Variants in ABHD16A observed in about 807,000 individuals in gnomAD.
The protein encoded by ABHD16A is phosphatidylserine lipase ABHD16A.
ABHD16A carries 47 observed loss-of-function variants against 89.8 expected under a neutral mutation model. The observed-to-expected ratio is 0.52, with a 90% CI of 0.41 to 0.67. The LOEUF (loss-of-function observed/expected upper bound fraction) is 0.67, where lower values mean the gene tolerates loss of function less well. Ranked by LOEUF, ABHD16A falls within the 30% of genes least tolerant of loss-of-function variation. ABHD16A has a pLI of 0.00. For synonymous variants in ABHD16A, 251 were observed against 280.4 expected (o/e 0.90, Z 1.05); for missense variants, 580 against 734.6 (o/e 0.79, Z 2.43).
At chr6:31,699,341 G>A (rs1253782698) in intron 4 of ABHD16A, among the ~76,000 whole-genome samples, 10 of 150,000 alleles carry the variant, frequency 6.7e-5, no homozygotes, top group African/African-American at 1.2e-4. Flanking sequence ...CCCGGGAGGC[G>A]GAGCTTGCAG....
chr6:31,687,801 A>C lies in ABHD16A; in HGVS notation c.1447+23T>G, dbSNP rs1301287258. The C allele has an allele frequency of 1.2e-6, 2 of 1,612,822 alleles. No individual in the cohort carries two copies. The highest frequency in any genetic ancestry group is 1.7e-6 in the Non-Finnish European group (2 of 1,179,986). ...CTGACCTTGCTGGGCCCCCGCCCCA[A>C]GCCTCACTGGATCCCTTCTCACCTT... On this transcript the variant is annotated intron_variant, in intron 17 of 19. Transcript: ENST00000395952. This position sits in a 1 kb window ranked among gnomAD's most constrained non-coding sequence, Gnocchi z 6.3.
Position 31,686,998 on chromosome 6 carries a change from C to T in ABHD16A, c.*214G>A. 2 of 573,226 alleles carry T rather than the reference C, an allele frequency of 3.5e-6. No homozygotes were observed. Among genetic ancestry groups the T allele is most frequent in the Non-Finnish European group, 3.1e-6 (1 of 321,402 alleles). The allele number at this position is 573,226 out of a possible 1,614,324, so 35.5% of individuals were successfully genotyped here. A position where few individuals can be genotyped will look rare whatever the true frequency, so the allele number is the denominator to read the frequency against. ...CTTTTTATTAATTATTAGGAATAAT[C>T]CATTCATGTAATGCAGGATGTATGT... On this transcript the variant is annotated 3_prime_UTR_variant, in exon 20 of 20. Coordinates refer to ENST00000395952, the MANE Select transcript of ABHD16A (RefSeq NM_021160.3). This position sits in a 1 kb window ranked among gnomAD's most constrained non-coding sequence, Gnocchi z 4.3.
chr6:31,697,041 A>G lies in ABHD16A; in HGVS notation c.344-8T>C, dbSNP rs776143158. 4 of 1,611,254 alleles carry G rather than the reference A, an allele frequency of 2.5e-6. No individual in the cohort carries two copies. Among genetic ancestry groups the G allele is most frequent in the South Asian group, 1.1e-5 (1 of 91,030 alleles). ...TGGTCCAGCGGCCAATGCCTGGTAG[A>G]AAAAGGACAGGAAACAGTGCTAGGA... On this transcript the variant is annotated splice_polypyrimidine_tract_variant and splice_region_variant and intron_variant, in intron 4 of 19. Coordinates refer to ENST00000395952, the MANE Select transcript of ABHD16A (RefSeq NM_021160.3).
At chr6:31,691,510 T>C (rs1048443255) in intron 9 of ABHD16A, 69 bp downstream of exon 9, 43 of 1,440,072 alleles carry the variant, frequency 3.0e-5, no homozygotes, top group Non-Finnish European at 3.3e-5. Flanking sequence ...TGCTATAGCA[T>C]TGGGGTCCCC....
rs1054747070 is a variant in ABHD16A, at chr6:31,688,271, T to C, written c.1285A>G (p.Lys429Glu). ...CACGTGGTGGTGATGATCTCATCCTTGGTTCTCCGGATCAGCAGTACAGGA... is the reference window on the plus strand; with the variant it reads ...CACGTGGTGGTGATGATCTCATCCTCGGTTCTCCGGATCAGCAGTACAGGA... ...QGPVLLIRRT[K>E]DEIITTTVPE... is the part of the protein sequence containing the mutation. The change falls in exon 15 of 20, where the codon AAG becomes GAG. Residue 429 changes from lysine (K) to glutamate (E), a missense_variant. By Grantham distance (56) the Lys-to-Glu change is moderately conservative. Around this residue, in one of 2 missense-constraint regions of ABHD16A, gnomAD observed 415 missense variants for 568.8 expected, o/e 0.73. Transcript: ENST00000395952. The surrounding 1 kb of genome is among the most constrained non-coding windows in gnomAD (Gnocchi z 4.9). 6.2e-7 allele frequency: 1 copy of C among 1,614,134 alleles called. No homozygotes were observed. The highest frequency in any genetic ancestry group is 1.7e-5 in the Admixed American group (1 of 60,028).
At chr6:31,697,286 C>A (rs955657517) in intron 4 of ABHD16A, among the ~76,000 whole-genome samples, 3 of 152,188 alleles carry the variant, frequency 2.0e-5, no homozygotes, top group African/African-American at 7.2e-5. Flanking sequence ...CTTAACCTAC[C>A]ATCTTCCAGA....
chr6:31,688,496 C>A lies in ABHD16A; in HGVS notation c.1251-191G>T. On this transcript the variant is annotated intron_variant, in intron 14 of 19. Transcript: ENST00000395952. This position sits in a 1 kb window ranked among gnomAD's most constrained non-coding sequence, Gnocchi z 4.9. ...GTTCAGTCTGGCCCTGCTGGGAGACCCCTGCCGTGCCAGGCCTTAACCCTT... is the reference window on the plus strand; with the variant it reads ...GTTCAGTCTGGCCCTGCTGGGAGACACCTGCCGTGCCAGGCCTTAACCCTT... 3.9e-6 allele frequency: 3 copies of A among 773,502 alleles called. No individual in the cohort carries two copies. Among genetic ancestry groups the A allele is most frequent in the Non-Finnish European group, 4.1e-6 (2 of 484,026 alleles). 47.9% of individuals were successfully genotyped at this position (773,502 alleles called of 1,614,324 possible).
rs1804021905 is a variant in ABHD16A, at chr6:31,692,810, T to A, written c.626+217A>T. ...AAGGAGCTTTTGTTCATATCCCAGT[T>A]CTTTACTTACTACATTTGAGACTCC... On this transcript the variant is annotated intron_variant, in intron 7 of 19. Transcript: ENST00000395952. 1.2e-5 allele frequency: 5 copies of A among 404,670 alleles called. 1 individual carries two copies. In the South Asian group the frequency reaches 1.3e-4, roughly 10 times the overall value. The allele number at this position is 404,670 out of a possible 1,614,324, so 25.1% of individuals were successfully genotyped here. A position where few individuals can be genotyped will look rare whatever the true frequency, so the allele number is the denominator to read the frequency against.
chr6:31,690,218 C>G lies in ABHD16A; in HGVS notation c.908-91G>C, dbSNP rs893756348. On this transcript the variant is annotated intron_variant, in intron 10 of 19. Transcript: ENST00000395952. The surrounding 1 kb of genome is among the most constrained non-coding windows in gnomAD (Gnocchi z 4.1). ...AAGGAAGAGCAGAAGTACCCCCCAG[C>G]TTAGATGCAAATAACTCCAAGCCTT... 2.1e-5 allele frequency: 26 copies of G among 1,265,744 alleles called. No homozygotes were observed. Among genetic ancestry groups the G allele is most frequent in the Non-Finnish European group, 2.8e-5 (26 of 916,218 alleles). The allele number at this position is 1,265,744 out of a possible 1,614,324, so 78.4% of individuals were successfully genotyped here.
chr6:31,702,732 G>GTTTT, intron 1 of ABHD16A: 1 of 1,541,474 alleles, frequency 6.5e-7, no homozygotes, highest in Non-Finnish European at 8.7e-7. Flanking sequence ...TCAAGGCGAG[G>GTTTT]GTAAAGGGAA....
rs763493393 is a variant in ABHD16A, at chr6:31,688,686, G to A, written c.1250+37C>T. ...GAGCGCCCAGCAGAGCTGTATGGGG[G>A]GCAGGTGTTCAATGCCGGACGCTGG... On this transcript the variant is annotated intron_variant, in intron 14 of 19. Transcript: ENST00000395952. This position sits in a 1 kb window ranked among gnomAD's most constrained non-coding sequence, Gnocchi z 4.9. 4.3e-6 allele frequency: 7 copies of A among 1,609,470 alleles called. No individual in the cohort carries two copies. The highest frequency in any genetic ancestry group is 1.3e-5 in the African/African-American group (1 of 74,948).
chr6:31,700,912 A>G, intron 4 of ABHD16A, 30 bp downstream of exon 4: 1 of 1,572,882 alleles, frequency 6.4e-7, no homozygotes, highest in Admixed American at 1.7e-5. Flanking sequence ...GTGACAGATA[A>G]GATTCAAACC....
intron 4 of ABHD16A, among the ~76,000 whole-genome samples, chr6:31,700,623 A>G (rs1168184757): frequency 6.6e-6 from 1 of 152,100 alleles, no homozygotes; most frequent in Non-Finnish European, 1.5e-5. Context: ...GCAGCCAGGC[A>G]TAGTGGCTCA....
intron 3 of ABHD16A, 93 bp from the exon 4 acceptor site, chr6:31,701,121 G>C (rs528055660): frequency 7.4e-7 from 1 of 1,351,754 alleles, no homozygotes; most frequent in African/African-American, 1.4e-5. Context: ...CACACTCCCT[G>C]TTTGGAACAG....
Position 31,701,161 on chromosome 6 carries a change from T to A in ABHD16A, c.256+113A>T. The A allele has an allele frequency of 3.0e-6, 4 of 1,342,028 alleles. No homozygotes were observed. In the East Asian group the frequency reaches 9.2e-5, roughly 31 times the overall value. 83.1% of individuals were successfully genotyped at this position (1,342,028 alleles called of 1,614,324 possible). On this transcript the variant is annotated intron_variant, in intron 3 of 19. Transcript: ENST00000395952. ...ACCCTAAGAGGAAGAAGATGCCTGA[T>A]GGAAGAGGGAAGCCAAGCCATCTTC... is the stretch of plus-strand genomic sequence containing the variant.
chr6:31,697,131 G>A (rs1025864978), intron 4 of ABHD16A, 98 bp from the exon 5 acceptor site: 26 of 1,098,430 alleles, frequency 2.4e-5, no homozygotes, highest in Non-Finnish European at 3.4e-5. Flanking sequence ...AGAAGGCCCT[G>A]TAAGAAAAAG....
At chr6:31,694,416 A>G (rs1583694717) in intron 5 of ABHD16A, among the ~76,000 whole-genome samples, 6 of 64,496 alleles carry the variant, frequency 9.3e-5, no homozygotes, top group Admixed American at 2.3e-4. Flanking sequence ...TTTGAGATGG[A>G]GTCTCACTCT....
rs1367103027 is a variant in ABHD16A, at chr6:31,686,986, A to T, written c.*226T>A. ...TAGAAAAAATACCTTTTTATTAATT[A>T]TTAGGAATAATCCATTCATGTAATG... is the stretch of plus-strand genomic sequence containing the variant. On this transcript the variant is annotated 3_prime_UTR_variant, in exon 20 of 20. Transcript: ENST00000395952. The surrounding 1 kb of genome is among the most constrained non-coding windows in gnomAD (Gnocchi z 4.3). 1.8e-6 allele frequency: 1 copy of T among 550,936 alleles called. No individual in the cohort carries two copies. The allele number at this position is 550,936 out of a possible 1,614,324, so 34.1% of individuals were successfully genotyped here. A position where few individuals can be genotyped will look rare whatever the true frequency, so the allele number is the denominator to read the frequency against.
rs539273506 is a variant in ABHD16A, at chr6:31,693,011, C to T, written c.626+16G>A. 6 of 1,614,196 alleles carry T rather than the reference C, an allele frequency of 3.7e-6. No homozygotes were observed. Among genetic ancestry groups the T allele is most frequent in the Admixed American group, 1.7e-5 (1 of 60,026 alleles). On this transcript the variant is annotated intron_variant, in intron 7 of 19. Coordinates refer to ENST00000395952, the MANE Select transcript of ABHD16A (RefSeq NM_021160.3). The surrounding 1 kb of genome is among the most constrained non-coding windows in gnomAD (Gnocchi z 5.0). ...CCCTCCACCCCAGTGGGCCTCTCCTCGCTGCTGTTTCCCACCTGGTGATCT... is the reference window on the plus strand; with the variant it reads ...CCCTCCACCCCAGTGGGCCTCTCCTTGCTGCTGTTTCCCACCTGGTGATCT...
Sources: gnomAD v4.1 joint callset for allele counts (sites outside exome capture counted in the v4.1 genomes callset) on GRCh38, gnomAD v4.1.1 for gene constraint, gnomAD v4.1.1 regional missense constraint, Gnocchi (gnomAD v3.1) non-coding constraint, MANE v1.5 for transcripts, NCBI Gene and HGNC (gene_info 2026-07-23, HGNC 2026-07-21) for gene names.